FGGY: variants seen among roughly 807,000 people sequenced by gnomAD.
The protein encoded by FGGY is FGGY carbohydrate kinase domain containing.
In FGGY, 72 loss-of-function variants were observed where a neutral mutation model predicts 71.3. That is an observed-to-expected ratio of 1.01 (90% CI 0.84 to 1.23). The LOEUF (loss-of-function observed/expected upper bound fraction) is 1.23, where lower values mean the gene tolerates loss of function less well. FGGY is among the 50% of genes most tolerant of loss of function. The pLI is 0.00. For synonymous variants in FGGY, 251 were observed against 250.3 expected (o/e 1.00, Z -0.02); for missense variants, 668 against 682.3 (o/e 0.98, Z 0.23).
At chr1:59,475,285 G>C (rs1295301002) in intron 6 of FGGY, among the ~76,000 whole-genome samples, 3 of 152,070 alleles carry the variant, frequency 2.0e-5, no homozygotes, top group African/African-American at 7.2e-5. Flanking sequence ...TTGGAATTAA[G>C]GGTTTTCCTG....
chr1:59,739,267 T>G (rs1348468937), intron 14 of FGGY, among the ~76,000 whole-genome samples: 1 of 152,252 alleles, frequency 6.6e-6, no homozygotes, highest in Admixed American at 6.5e-5. Flanking sequence ...TATCTTGTTC[T>G]GTCCTTGCCT....
intron 14 of FGGY, among the ~76,000 whole-genome samples, chr1:59,679,656 T>A (rs959905060): frequency 6.6e-6 from 1 of 152,132 alleles, no homozygotes; most frequent in African/African-American, 2.4e-5. Context: ...GTTTCTATTC[T>A]CTTAGTCTTT....
At chr1:59,701,367 A>G (rs1002834270) in intron 14 of FGGY, among the ~76,000 whole-genome samples, 3 of 152,182 alleles carry the variant, frequency 2.0e-5, no homozygotes, top group African/African-American at 7.2e-5. Flanking sequence ...CTAGACTGGA[A>G]ATTGACTGAG....
chr1:59,480,589 A>G (rs915656495), intron 6 of FGGY, among the ~76,000 whole-genome samples: 1 of 152,224 alleles, frequency 6.6e-6, no homozygotes, highest in African/African-American at 2.4e-5. Context: ...ATAAAATGAG[A>G]GTTGTGTTAT....
intron 14 of FGGY, among the ~76,000 whole-genome samples, chr1:59,710,200 G>T (rs918196063): frequency 5.3e-5 from 8 of 152,148 alleles, no homozygotes; most frequent in African/African-American, 1.7e-4. Context: ...GATAAAATAG[G>T]ATTCCTTATT....
At chr1:59,546,875 T>C (rs1308015729) in intron 7 of FGGY, among the ~76,000 whole-genome samples, 1 of 151,662 alleles carries the variant, frequency 6.6e-6, no homozygotes, top group South Asian at 2.1e-4. Context: ...TAGGATTTAG[T>C]TGGGGTAAGT....
chr1:59,632,686 T>G (rs1004062391), intron 10 of FGGY, among the ~76,000 whole-genome samples: 2 of 152,218 alleles, frequency 1.3e-5, no homozygotes, highest in African/African-American at 4.8e-5. Context: ...TAATTCTAGA[T>G]GAGGAAATGA....
intron 5 of FGGY, among the ~76,000 whole-genome samples, chr1:59,447,134 A>T (rs1438743473): frequency 6.6e-6 from 1 of 152,178 alleles, no homozygotes; most frequent in Admixed American, 6.5e-5. Context: ...TATAGAGGGA[A>T]ATACCTTCAG....
At chr1:59,356,783 C>T (rs1557656413) in intron 4 of FGGY, among the ~76,000 whole-genome samples, 1 of 152,052 alleles carries the variant, frequency 6.6e-6, no homozygotes, top group Non-Finnish European at 1.5e-5. Context: ...TGTTCCTTTC[C>T]ATCCTAGAGC....
At chr1:59,626,900 G>C (rs1334664200) in intron 10 of FGGY, 2 of 152,062 alleles carry the variant, frequency 1.3e-5, no homozygotes, top group Non-Finnish European at 2.9e-5. Context: ...AAAATAATAA[G>C]ATTAGTTACC....
Position 59,554,327 on chromosome 1 carries a change from C to T in FGGY, c.903+100C>T, listed in dbSNP as rs1417646312. ...TTCTTCACCCTTTCACTTCTTTCCT[C>T]TTTTCCCTGCCTGCCCCTTGTGCTT... On this transcript the variant is annotated intron_variant, in intron 8 of 15. Coordinates refer to ENST00000303721, the MANE Select transcript of FGGY (RefSeq NM_018291.5). 7 of 830,542 alleles carry T rather than the reference C, an allele frequency of 8.4e-6. No individual in the cohort carries two copies. The Admixed American group carries it at 1.3e-4, about 15-fold the overall frequency. The allele number at this position is 830,542 out of a possible 1,614,324, so 51.4% of individuals were successfully genotyped here. A position where few individuals can be genotyped will look rare whatever the true frequency, so the allele number is the denominator to read the frequency against.
chr1:59,579,197 A>G (rs1013091238), intron 8 of FGGY, among the ~76,000 whole-genome samples: 3 of 152,078 alleles, frequency 2.0e-5, no homozygotes, highest in Non-Finnish European at 2.9e-5. Context: ...CCTCACTTGC[A>G]TGTAGTTGAC....
Position 59,321,729 on chromosome 1 carries a change from T to A in FGGY, c.180T>A (p.Ala60=), listed in dbSNP as rs760151330. 2 of 1,611,650 alleles carry A rather than the reference T, an allele frequency of 1.2e-6. No homozygotes were observed. The highest frequency in any genetic ancestry group is 2.2e-5 in the South Asian group (2 of 90,532). Residue 60 remains alanine, a synonymous_variant, in exon 2 of 16, where the codon GCT becomes GCA. Coordinates refer to ENST00000303721, the MANE Select transcript of FGGY (RefSeq NM_018291.5). The stretch of plus-strand genomic sequence containing the variant: ...AGCAGTCCTCCGAGGACATCTGGGC[T>A]GCGTGCTGTGTTGTCACAAAGGTAT... ...HHEQSSEDIW[A]ACCVVTKKVV...
At chr1:59,495,932 G>A (rs1025772015) in intron 6 of FGGY, among the ~76,000 whole-genome samples, 1 of 152,126 alleles carries the variant, frequency 6.6e-6, no homozygotes, top group Non-Finnish European at 1.5e-5. Flanking sequence ...CTCCAGCTTT[G>A]TTCTTTGTGC....
At chr1:59,758,322 T>C (rs1267729013) in intron 15 of FGGY, among the ~76,000 whole-genome samples, 1 of 152,214 alleles carries the variant, frequency 6.6e-6, no homozygotes, top group Non-Finnish European at 1.5e-5. Flanking sequence ...ATCTGCTCAT[T>C]CTTTTACTCT....
chr1:59,422,625 G>T (rs1483027574), intron 5 of FGGY, among the ~76,000 whole-genome samples: 2 of 151,700 alleles, frequency 1.3e-5, no homozygotes, highest in East Asian at 1.9e-4. Context: ...AGCCCAGGAG[G>T]TTGAGGCTGC....
At chr1:59,560,098 A>T (rs758755607) in intron 8 of FGGY, among the ~76,000 whole-genome samples, 5 of 152,220 alleles carry the variant, frequency 3.3e-5, no homozygotes, top group Non-Finnish European at 7.3e-5. Context: ...CAAGGTCAAC[A>T]TCAACAATGA....
At chr1:59,649,811 G>C in intron 11 of FGGY, among the ~76,000 whole-genome samples, 1 of 142,130 alleles carries the variant, frequency 7.0e-6, no homozygotes, top group African/African-American at 3.0e-5. Flanking sequence ...GTGAGAGAGG[G>C]CATCCCTGTC....
intron 7 of FGGY, among the ~76,000 whole-genome samples, chr1:59,533,141 G>A (rs1016574333): frequency 5.3e-5 from 8 of 152,210 alleles, no homozygotes; most frequent in African/African-American, 1.9e-4. Context: ...GCAGGACAGT[G>A]GGTGCCGCGC....
Sources: allele counts gnomAD v4.1 joint callset (sites outside exome capture counted in the v4.1 genomes callset), GRCh38; gene constraint gnomAD v4.1.1; transcripts MANE v1.5; gene names NCBI Gene and HGNC (gene_info 2026-07-23, HGNC 2026-07-21).